The following PUDP variants were observed in gnomAD, a reference collection of about 807,000 sequenced individuals.
PUDP encodes pseudouridine-5'-phosphatase.
Under a neutral mutation model 9.4 loss-of-function variants are expected in PUDP, and 8 were observed. The observed-to-expected ratio is 0.85, with a 90% CI of 0.50 to 1.53. The LOEUF is 1.53. PUDP is among the 40% of genes most tolerant of loss of function. The pLI is 0.00. For missense variants in PUDP, 188 were observed against 189.7 expected (o/e 0.99, Z 0.05); for synonymous variants, 99 against 80.7 (o/e 1.23, Z -1.22).
At chrX:6,986,993 C>T (rs1477717606) in intron 1 of PUDP, among the ~76,000 whole-genome samples, 2 of 111,762 alleles carry the variant, frequency 1.8e-5, no homozygotes, top group Admixed American at 9.5e-5. Flanking sequence ...CTGCCAAGAC[C>T]CACCCCATTT....
intron 3 of PUDP, among the ~76,000 whole-genome samples, chrX:6,909,200 T>C (rs1927812569): frequency 8.9e-6 from 1 of 112,225 alleles, no homozygotes; most frequent in Non-Finnish European, 1.9e-5. Context: ...TTTTTCTTTT[T>C]TGGAACTTTA....
chrX:6,986,800 T>C (rs1929108934), intron 1 of PUDP, among the ~76,000 whole-genome samples: 1 of 111,633 alleles, frequency 9.0e-6, no homozygotes, highest in Admixed American at 9.5e-5. Context: ...TGCTCAGAGG[T>C]GATAAAAAGG....
At chrX:7,077,120 A>G in intron 3 of PUDP, 100 bp downstream of exon 3, 1 of 1,123,176 alleles carries the variant, frequency 8.9e-7, no homozygotes, top group Non-Finnish European at 1.2e-6. Context: ...GGCCTTCAAC[A>G]GCACAAACCA....
chrX:7,003,035 C>T (rs1458430403), intron 1 of PUDP, among the ~76,000 whole-genome samples: 4 of 111,246 alleles, frequency 3.6e-5, no homozygotes, highest in African/African-American at 9.8e-5. Flanking sequence ...ACGTAGAAGA[C>T]GTAATGTCAA....
intron 2 of PUDP, among the ~76,000 whole-genome samples, chrX:6,977,988 T>C (rs1349410340): frequency 7.1e-5 from 8 of 112,376 alleles, no homozygotes; most frequent in Non-Finnish European, 1.5e-4. Context: ...CCAGCCCTGC[T>C]AGCCTGGACA....
intron 1 of PUDP, among the ~76,000 whole-genome samples, chrX:7,021,925 A>T (rs1929639444): frequency 8.9e-6 from 1 of 112,265 alleles, no homozygotes; most frequent in Admixed American, 9.5e-5. Flanking sequence ...TTACAGACTG[A>T]ATTGTTCTTT....
chrX:6,888,064 C>A (rs1420605311), intron 3 of PUDP, among the ~76,000 whole-genome samples: 1 of 111,600 alleles, frequency 9.0e-6, no homozygotes, highest in African/African-American at 3.3e-5. Context: ...GAAATGTGCT[C>A]TTTTTGAGAG....
intron 1 of PUDP, among the ~76,000 whole-genome samples, chrX:7,135,154 G>A (rs1273851100): frequency 9.0e-6 from 1 of 111,466 alleles, no homozygotes; most frequent in African/African-American, 3.3e-5. Flanking sequence ...TAGCCTCAGA[G>A]TAAAAAGGGA....
intron 1 of PUDP, among the ~76,000 whole-genome samples, chrX:6,984,720 T>C (rs1003104150): frequency 1.8e-5 from 2 of 111,689 alleles, no homozygotes; most frequent in Non-Finnish European, 3.8e-5. Context: ...ATTCAGGGTG[T>C]AAGCAGGAGA....
chrX:7,026,708 G>A (rs994406853), intron 1 of PUDP, among the ~76,000 whole-genome samples: 5 of 111,887 alleles, frequency 4.5e-5, no homozygotes, highest in Non-Finnish European at 7.5e-5. Flanking sequence ...GGCATCTAGT[G>A]GGAAGAGGCC....
intron 3 of PUDP, among the ~76,000 whole-genome samples, chrX:6,928,093 C>T (rs1167196863): frequency 9.2e-6 from 1 of 108,886 alleles, no homozygotes; most frequent in African/African-American, 3.4e-5. Context: ...CACCACTAGG[C>T]GAGCTTATTT....
At chrX:6,731,304 C>T (rs2146659938) in intron 3 of PUDP, among the ~76,000 whole-genome samples, 1 of 111,417 alleles carries the variant, frequency 9.0e-6, no homozygotes, top group South Asian at 3.8e-4. Flanking sequence ...ACCTACTGGC[C>T]TCAAACAATC....
At chrX:6,715,442 A>G (rs957913982) in intron 1 of PUDP, among the ~76,000 whole-genome samples, 16 of 112,157 alleles carry the variant, frequency 1.4e-4, no homozygotes, top group Non-Finnish European at 2.3e-4. Flanking sequence ...TGCATAGAAG[A>G]AATGCAACAT....
At chrX:7,090,226 C>T (rs1240390773) in intron 2 of PUDP, among the ~76,000 whole-genome samples, 1 of 110,476 alleles carries the variant, frequency 9.1e-6, no homozygotes, top group Non-Finnish European at 1.9e-5. Flanking sequence ...ATTATATATA[C>T]TATATAATAA....
chrX:6,734,975 G>T (rs1924855700), intron 3 of PUDP, among the ~76,000 whole-genome samples: 1 of 111,537 alleles, frequency 9.0e-6, no homozygotes, highest in African/African-American at 3.3e-5. Flanking sequence ...ACAAATGAAT[G>T]AATCATATTA....
At chrX:6,883,394 C>T (rs1418479009) in intron 3 of PUDP, among the ~76,000 whole-genome samples, 2 of 108,884 alleles carry the variant, frequency 1.8e-5, no homozygotes, top group Non-Finnish European at 3.8e-5. Flanking sequence ...TGGTGGCGCT[C>T]GCCTGTAGTC....
chrX:7,034,906 T>C (rs1350821792), intron 1 of PUDP, among the ~76,000 whole-genome samples: 1 of 112,125 alleles, frequency 8.9e-6, no homozygotes. Context: ...GTTCTCTATC[T>C]TCAAAGAGAG....
At chrX:6,718,262 A>G (rs909290758) in intron 1 of PUDP, among the ~76,000 whole-genome samples, 13 of 111,982 alleles carry the variant, frequency 1.2e-4, no homozygotes, top group African/African-American at 3.9e-4. Flanking sequence ...CAAAGGAATA[A>G]AAATAATTGC....
At chrX:7,062,164 T>C (rs1451930697) in intron 3 of PUDP, among the ~76,000 whole-genome samples, 2 of 112,024 alleles carry the variant, frequency 1.8e-5, no homozygotes, top group African/African-American at 6.5e-5. Context: ...AACACCTACA[T>C]AAAGTACTGT....
Sources: allele counts gnomAD v4.1 joint callset (sites outside exome capture counted in the v4.1 genomes callset), GRCh38; gene constraint gnomAD v4.1.1; transcripts MANE v1.5; gene names NCBI Gene and HGNC (gene_info 2026-07-23, HGNC 2026-07-21).